Variants in COQ8A observed in about 807,000 individuals in gnomAD.
COQ8A encodes the protein atypical kinase COQ8A, mitochondrial.
In COQ8A, 51 loss-of-function variants were observed where a neutral mutation model predicts 65.0. That is an observed-to-expected ratio of 0.78 (90% CI 0.63 to 0.99). The LOEUF (loss-of-function observed/expected upper bound fraction) is 0.99, where lower values mean the gene tolerates loss of function less well. Ranked by LOEUF, COQ8A falls within the 50% of genes least tolerant of loss-of-function variation. The pLI is 0.00. For missense variants in COQ8A, 940 were observed against 875.0 expected (o/e 1.07, Z -0.94); for synonymous variants, 371 against 353.2 (o/e 1.05, Z -0.57).
chr1:226,961,535 G>T lies in COQ8A; in HGVS notation c.150G>T (p.Gln50His), dbSNP rs2148052080. ...CCCTGCAGTCCACGGCTGTGGAGCA[G>T]ATTGGCATGTTCTTGGGGAAGGTGC... ...ARALQSTAVE[Q>H]IGMFLGKVQG... The change falls in exon 2 of 15, where the codon CAG (glutamine) becomes CAT (histidine). Residue 50 changes from glutamine (Q) to histidine (H), a missense_variant. Physicochemically the swap from Gln to His is conservative, Grantham distance 24 (BLOSUM62 0). Transcript: ENST00000366777. The T allele has an allele frequency of 1.2e-6, 2 of 1,613,204 alleles. No individual in the cohort carries two copies. Among genetic ancestry groups the T allele is most frequent in the Non-Finnish European group, 1.7e-6 (2 of 1,179,416 alleles).
chr1:226,973,994 C>T (rs1035376903), intron 4 of COQ8A, among the ~76,000 whole-genome samples: 1 of 152,246 alleles, frequency 6.6e-6, no homozygotes, highest in Non-Finnish European at 1.5e-5. Context: ...CTCACCCCTG[C>T]CCTTAAGCAC....
chr1:226,957,201 G>A (rs1358925257), intron 1 of COQ8A, among the ~76,000 whole-genome samples: 1 of 139,844 alleles, frequency 7.2e-6, no homozygotes, highest in East Asian at 2.1e-4. Flanking sequence ...CGCTCTCCCT[G>A]GCTCCTACTC....
chr1:226,961,229 G>A (rs1021654428), intron 1 of COQ8A, 148 bp from the exon 2 acceptor site: 2 of 824,050 alleles, frequency 2.4e-6, no homozygotes. Flanking sequence ...TTGAGCCCTG[G>A]GCCCTTTCTT....
At chr1:226,984,267 G>T (rs1157357870) in intron 11 of COQ8A, 32 bp downstream of exon 11, 1 of 1,611,858 alleles carries the variant, frequency 6.2e-7, no homozygotes, top group Non-Finnish European at 8.5e-7. Flanking sequence ...GGTGGGGCCA[G>T]GGTGGCCCTG....
In COQ8A at chr1:226,983,787, G is replaced by T; in HGVS notation, c.1189G>T (p.Val397Leu). 1 of 1,612,988 alleles carries T rather than the reference G, an allele frequency of 6.2e-7. No homozygotes were observed. Among genetic ancestry groups the T allele is most frequent in the Non-Finnish European group, 8.5e-7 (1 of 1,180,004 alleles). ...CCTGTTCCCCGAGCACCTGATCGAC[G>T]TGCTGAGGCGGGAGCTGGCCCTGGA... Reference protein sequence around the residue: ...EGLFPEHLIDVLRRELALECD... With the variant: ...EGLFPEHLIDLLRRELALECD... Residue 397 changes from valine to leucine, a missense_variant, in exon 10 of 15, where the codon GTG (valine) becomes TTG (leucine). By Grantham distance (32) the Val-to-Leu change is conservative. Coordinates refer to ENST00000366777, the MANE Select transcript of COQ8A (RefSeq NM_020247.5).
Position 226,941,466 on chromosome 1 carries a change from G to A in COQ8A, c.-10+1067G>A, listed in dbSNP as rs529006637. Reference sequence around the variant, plus strand: ...AGACAAAAGGGGAGCTACAGGAGCAGCATCTGTAAGACTCAGGCGGCTGGG... The same window carrying A: ...AGACAAAAGGGGAGCTACAGGAGCAACATCTGTAAGACTCAGGCGGCTGGG... On this transcript the variant is annotated intron_variant, in intron 1 of 14. Coordinates refer to ENST00000366777, the MANE Select transcript of COQ8A (RefSeq NM_020247.5). 5.3e-5 allele frequency among the ~76,000 whole-genome samples: 8 copies of A among 152,248 alleles called. No individual in the cohort carries two copies. In the East Asian group the frequency reaches 1.5e-3, roughly 29 times the overall value.
At chr1:226,981,816 G>A (rs1324180234) in intron 5 of COQ8A, among the ~76,000 whole-genome samples, 1 of 152,210 alleles carries the variant, frequency 6.6e-6, no homozygotes, top group Admixed American at 6.5e-5. Flanking sequence ...GCATGCCTGT[G>A]TGTATTGGGA....
chr1:226,945,508 C>T (rs1656982682), intron 1 of COQ8A, among the ~76,000 whole-genome samples: 1 of 152,156 alleles, frequency 6.6e-6, no homozygotes, highest in African/African-American at 2.4e-5. Context: ...AAGTAAGAGT[C>T]GATTGCCCGG....
At chr1:226,952,203 C>T (rs532651041) in intron 1 of COQ8A, among the ~76,000 whole-genome samples, 131 of 152,220 alleles carry the variant, frequency 8.6e-4, no homozygotes, top group African/African-American at 3.0e-3. Context: ...ACTTTCCATC[C>T]GCCTGGTGGC....
At position 226,983,866 on chromosome 1, in the gene COQ8A, G is replaced by C. The variant is rs772918474; in HGVS notation, c.1256+12G>C. The C allele has an allele frequency of 1.8e-5, 28 of 1,597,346 alleles. No homozygotes were observed. In the Admixed American group the frequency reaches 4.6e-4, roughly 26 times the overall value. On this transcript the variant is annotated intron_variant, in intron 10 of 14. Coordinates refer to ENST00000366777, the MANE Select transcript of COQ8A (RefSeq NM_020247.5). ...GCCCGCAAGTTCAGGTGTGGCCCCC[G>C]GCCGGGCCCCTTGCGTGTTTGCACC...
At chr1:226,967,256 AAT>A (rs1658624672) in intron 4 of COQ8A, among the ~76,000 whole-genome samples, 1 of 152,160 alleles carries the variant, frequency 6.6e-6, no homozygotes, top group Non-Finnish European at 1.5e-5. Flanking sequence ...TTCTTATTAA[AAT>A]ATTGAATGGA....
chr1:226,971,511 C>T lies in COQ8A; in HGVS notation c.655+5774C>T, dbSNP rs574382369. On this transcript the variant is annotated intron_variant, in intron 4 of 14. Transcript: ENST00000366777. ...AGGTTGCAGTGAGCCAAGATGGCGG[C>T]GTTGCACTCCAGCCTGGATGACAGC... Among the ~76,000 whole-genome samples, 652 of 151,132 alleles carry T rather than the reference C, an allele frequency of 4.3e-3. 3 individuals carry two copies. The highest frequency in any genetic ancestry group is 0.015 in the African/African-American group (605 of 40,892).
At chr1:226,967,554 G>C (rs1044198024) in intron 4 of COQ8A, among the ~76,000 whole-genome samples, 7 of 152,224 alleles carry the variant, frequency 4.6e-5, no homozygotes, top group Non-Finnish European at 8.8e-5. Flanking sequence ...CCTGGCGAAG[G>C]AGGCAGTAGT....
chr1:226,958,353 G>C (rs1421799221), intron 1 of COQ8A: 1 of 152,302 alleles, frequency 6.6e-6, no homozygotes, highest in Admixed American at 6.5e-5. Context: ...TGAGGAGGGG[G>C]GAAGAGGTTG....
chr1:226,964,872 C>A, intron 2 of COQ8A, 128 bp from the exon 3 acceptor site: 2 of 1,103,098 alleles, frequency 1.8e-6, no homozygotes, highest in South Asian at 1.3e-5. Context: ...AGGTGCAGCA[C>A]TGTGCCACCT....
intron 4 of COQ8A, among the ~76,000 whole-genome samples, chr1:226,967,390 G>A (rs1047653528): frequency 6.6e-6 from 1 of 152,162 alleles, no homozygotes. Context: ...TCCCTGGAAG[G>A]CTGAGTTTGA....
At chr1:226,955,388 C>CCCACTCTCCCTGGCTG (rs760908529) in intron 1 of COQ8A, among the ~76,000 whole-genome samples, 12 of 150,320 alleles carry the variant, frequency 8.0e-5, no homozygotes, top group Admixed American at 2.6e-4. Context: ...CTCCCTGGCT[C>CCCACTCTCCCTGGCTG]CCACTCTCCC....
rs1458481517 is a variant in COQ8A at position 226,961,581 on chromosome 1, G to A, written c.177+19G>A. On this transcript the variant is annotated intron_variant, in intron 2 of 14. Coordinates refer to ENST00000366777, the MANE Select transcript of COQ8A (RefSeq NM_020247.5). Reference sequence around the variant, plus strand: ...GGTGCAGGTAAGGGGGCCTGGCAGTGGGAGGGGTGCTGGCAGGAAGAGGGT... The same window carrying A: ...GGTGCAGGTAAGGGGGCCTGGCAGTAGGAGGGGTGCTGGCAGGAAGAGGGT... 2.5e-6 allele frequency: 4 copies of A among 1,600,622 alleles called. No individual in the cohort carries two copies. Among genetic ancestry groups the A allele is most frequent in the Middle Eastern group, 1.7e-4 (1 of 5,878 alleles).
intron 2 of COQ8A, 35 bp from the exon 3 acceptor site, chr1:226,964,965 C>G (rs1164645669): frequency 1.2e-6 from 2 of 1,612,134 alleles, no homozygotes; most frequent in Non-Finnish European, 1.7e-6. Context: ...CTGGCTCGCT[C>G]TTGCTCTCCT....
Sources: gnomAD v4.1 joint callset for allele counts (sites outside exome capture counted in the v4.1 genomes callset) on GRCh38, gnomAD v4.1.1 for gene constraint, MANE v1.5 for transcripts, NCBI Gene and HGNC (gene_info 2026-07-23, HGNC 2026-07-21) for gene names.